The following ANKMY1 variants were observed in gnomAD, a reference collection of about 807,000 sequenced individuals.
The protein encoded by ANKMY1 is ankyrin repeat and MYND domain containing 1, also known as ankyrin repeat and MYND domain-containing protein 1.
In ANKMY1, 98 loss-of-function variants were observed where a neutral mutation model predicts 102.0. The ratio of observed to expected loss-of-function variants is 0.96; its 90% CI spans 0.82 to 1.14. The LOEUF (loss-of-function observed/expected upper bound fraction) is 1.14, where lower values mean the gene tolerates loss of function less well. ANKMY1 is among the 50% of genes most tolerant of loss of function. The pLI, the probability that ANKMY1 is intolerant of heterozygous loss-of-function variation, is 0.00. For missense variants in ANKMY1, 1,330 were observed against 1,347.6 expected, an observed-to-expected ratio of 0.99 and a Z score of 0.20; for synonymous variants, 582 against 559.9, an observed-to-expected ratio of 1.04 and a Z score of -0.56.
At chr2:240,482,284 T>C in intron 15 of ANKMY1, 23 bp from the exon 16 acceptor site, 1 of 1,600,908 alleles carries the variant, frequency 6.2e-7, no homozygotes, top group Admixed American at 1.8e-5. Flanking sequence ...GGGTCCCGCA[T>C]TAGTACCCAC....
rs577411336 is a variant in ANKMY1 at position 240,479,682 on chromosome 2, G to A, written c.3047-27C>T. On this transcript the variant is annotated intron_variant, in intron 17 of 17. Coordinates refer to ENST00000401804, the MANE Select transcript of ANKMY1 (RefSeq NM_001282771.3). ...TGGAGGAGGAAAAGGTGTGGGGGAG[G>A]GGGAAGAGGGGGCTGGAGCTGGCCT... 9.4e-5 allele frequency: 151 copies of A among 1,609,324 alleles called. 1 individual carries two copies. Among genetic ancestry groups the A allele is most frequent in the Middle Eastern group, 3.5e-4 (2 of 5,692 alleles).
the ANKMY1 span, among the ~76,000 whole-genome samples, chr2:240,471,978 C>T: frequency 2.6e-5 from 4 of 152,168 alleles, no homozygotes; most frequent in African/African-American, 9.7e-5. Flanking sequence ...ACCTTGGTTC[C>T]ACTGCAGATC....
In ANKMY1 at chr2:240,529,158, C is replaced by T; in HGVS notation, c.832G>A (p.Glu278Lys). 6.2e-7 allele frequency: 1 copy of T among 1,614,202 alleles called. No individual in the cohort carries two copies. Among genetic ancestry groups the T allele is most frequent in the Non-Finnish European group, 8.5e-7 (1 of 1,180,034 alleles). Residue 278 changes from glutamate to lysine, a missense_variant, in exon 5 of 18, where the codon GAG (glutamate) becomes AAG (lysine). Coordinates refer to ENST00000401804, the MANE Select transcript of ANKMY1 (RefSeq NM_001282771.3). This position sits in a 1 kb window ranked among gnomAD's most constrained non-coding sequence, Gnocchi z 4.2. ...TTGAGGAAGATGCGGGCGTCCAGCT[C>T]TTTGCGGAAAGAGCTTGTCATGGGC... ...HLPMTSSFRK[E>K]LDARIFLNEI...
At chr2:240,528,994 A>G (rs777109592) in intron 5 of ANKMY1, 43 bp downstream of exon 5, 1 of 1,584,616 alleles carries the variant, frequency 6.3e-7, no homozygotes, top group South Asian at 1.1e-5. Flanking sequence ...GGCAGCCTGC[A>G]CAGTGCACGG....
Position 240,481,121 on chromosome 2 carries a change from C to G in ANKMY1, c.2886-24G>C, listed in dbSNP as rs564098562. The G allele has an allele frequency of 2.5e-6, 4 of 1,597,598 alleles. No individual in the cohort carries two copies. In the South Asian group the frequency reaches 3.3e-5, roughly 13 times the overall value. ...TTCTGCAACAGAGCCTCACCGTCAG[C>G]AGGCGGCCACTCCAGAACCTGCTTC... On this transcript the variant is annotated intron_variant, in intron 16 of 17. Transcript: ENST00000401804.
rs911365144 is a variant in ANKMY1, at chr2:240,499,512, T to A, written c.2806+446A>T. Reference sequence around the variant, plus strand: ...GGAGTAGATGTCAGTAGGTACTGCGTTTGTGGAGTGGGTGCATGTGGGGAG... The same window carrying A: ...GGAGTAGATGTCAGTAGGTACTGCGATTGTGGAGTGGGTGCATGTGGGGAG... On this transcript the variant is annotated intron_variant, in intron 15 of 17. Coordinates refer to ENST00000401804, the MANE Select transcript of ANKMY1 (RefSeq NM_001282771.3). The surrounding 1 kb of genome is among the most constrained non-coding windows in gnomAD (Gnocchi z 4.2). Among the ~76,000 whole-genome samples, 1 of 151,740 alleles carries A rather than the reference T, an allele frequency of 6.6e-6. No individual in the cohort carries two copies. Among genetic ancestry groups the A allele is most frequent in the African/African-American group, 2.4e-5 (1 of 41,256 alleles).
At chr2:240,553,148 T>C (rs2091823518) in intron 3 of ANKMY1, 91 bp from the exon 4 acceptor site, 1 of 1,461,352 alleles carries the variant, frequency 6.8e-7, no homozygotes, top group Non-Finnish European at 9.3e-7. Context: ...TGGTTGGCAA[T>C]GAATGGGGAC....
chr2:240,517,763 A>G (rs4423589), intron 9 of ANKMY1, among the ~76,000 whole-genome samples: 131,954 of 152,098 alleles, frequency 0.87, 57,477 homozygotes, highest in East Asian at 0.94. Context: ...CCATGATTAT[A>G]CCACTGCACT....
chr2:240,527,777 GTA>G (rs2084158764), intron 5 of ANKMY1: 1 of 152,002 alleles, frequency 6.6e-6, no homozygotes, highest in Non-Finnish European at 1.5e-5. Flanking sequence ...AGGTGTGTGG[GTA>G]GATGAACAGA....
At chr2:240,555,773 G>A (rs1391131127) in intron 2 of ANKMY1, among the ~76,000 whole-genome samples, 1 of 152,004 alleles carries the variant, frequency 6.6e-6, no homozygotes, top group Non-Finnish European at 1.5e-5. Flanking sequence ...TGGTGCCTCA[G>A]ACCTCCACAG....
At position 240,481,062 on chromosome 2, in the gene ANKMY1, C is replaced by T. The variant is rs748134301; in HGVS notation, c.2921G>A (p.Arg974His). The change falls in exon 17 of 18, where the codon CGC (arginine) becomes CAC (histidine). Residue 974 changes from arginine (R) to histidine (H), a missense_variant. Transcript: ENST00000401804. ...PFFKFCYQCG[R>H]SIGVRLLPCP... is the part of the protein sequence containing the mutation. ...GGGCAAGAGGCGGACCCCGATGGAG[C>T]GGCCACACTGGTAGCAGAACTTGAA... The T allele has an allele frequency of 5.0e-6, 8 of 1,612,474 alleles. No individual in the cohort carries two copies. The highest frequency in any genetic ancestry group is 1.6e-4 in the Middle Eastern group (1 of 6,078).
At chr2:240,526,122 T>G (rs867273201) in intron 6 of ANKMY1, 107 bp downstream of exon 6, 2 of 1,347,662 alleles carry the variant, frequency 1.5e-6, no homozygotes, top group African/African-American at 1.4e-5. Flanking sequence ...AGTGTCCCCA[T>G]GTACCTCAGC....
At chr2:240,553,280 C>T (rs988712178) in intron 3 of ANKMY1, 18 of 576,652 alleles carry the variant, frequency 3.1e-5, no homozygotes, top group Non-Finnish European at 5.2e-5. Flanking sequence ...TCTGTCTTCT[C>T]CTCAGGTGGG....
At chr2:240,484,668 A>G (rs2075835585) in intron 15 of ANKMY1, among the ~76,000 whole-genome samples, 2 of 152,252 alleles carry the variant, frequency 1.3e-5, no homozygotes, top group Admixed American at 1.3e-4. Context: ...CTAAAACACC[A>G]AAAGCAATGG....
intron 14 of ANKMY1, 95 bp from the exon 15 acceptor site, chr2:240,500,218 G>T: frequency 1.4e-6 from 2 of 1,418,586 alleles, no homozygotes; most frequent in Non-Finnish European, 1.9e-6. Context: ...CAGCTCTTGT[G>T]ATATATAACT....
chr2:240,501,076 C>T (rs1236262832), intron 13 of ANKMY1, among the ~76,000 whole-genome samples: 4 of 150,442 alleles, frequency 2.7e-5, no homozygotes, highest in Non-Finnish European at 5.9e-5. Flanking sequence ...TCATGGGTGG[C>T]TGGGTGTGTG....
intron 4 of ANKMY1, among the ~76,000 whole-genome samples, chr2:240,532,959 T>C (rs1462872955): frequency 6.6e-6 from 1 of 152,236 alleles, no homozygotes; most frequent in Non-Finnish European, 1.5e-5. Context: ...CCTCCTGCCT[T>C]GGCCTTCCAA....
chr2:240,560,522 C>A (rs986918866), upstream of ANKMY1: 1 of 1,106,610 alleles, frequency 9.0e-7, no homozygotes, highest in Non-Finnish European at 1.2e-6. Flanking sequence ...CCCGGCCCAG[C>A]GCCCGCGGGG....
chr2:240,510,897 C>T (rs999562236), intron 11 of ANKMY1, among the ~76,000 whole-genome samples: 2 of 152,142 alleles, frequency 1.3e-5, no homozygotes, highest in African/African-American at 4.8e-5. Flanking sequence ...CCTGTGTTCA[C>T]TGCCCAGGCC....
Sources: allele counts gnomAD v4.1 joint callset (sites outside exome capture counted in the v4.1 genomes callset), GRCh38; gene constraint gnomAD v4.1.1; non-coding constraint Gnocchi (gnomAD v3.1); transcripts MANE v1.5; gene names NCBI Gene and HGNC (gene_info 2026-07-23, HGNC 2026-07-21).